SYT9: variants seen among roughly 807,000 people sequenced by gnomAD.
The protein encoded by SYT9 is synaptotagmin 9.
Under a neutral mutation model 48.4 loss-of-function variants are expected in SYT9, and 22 were observed. That is an observed-to-expected ratio of 0.45 (90% CI 0.32 to 0.65). The LOEUF (loss-of-function observed/expected upper bound fraction) is 0.65, where lower values mean the gene tolerates loss of function less well. SYT9 is among the 30% of genes least tolerant of loss of function. SYT9 has a pLI of 0.03. For synonymous variants in SYT9, 265 were observed against 245.0 expected (o/e 1.08, Z -0.76); for missense variants, 577 against 622.0 (o/e 0.93, Z 0.77).
intron 6 of SYT9, among the ~76,000 whole-genome samples, chr11:7,432,579 AAAAATATATATACATATATATATAT>A (rs1564902039): frequency 0.013 from 94 of 7,160 alleles, 4 homozygotes; most frequent in Admixed American, 0.042. Context: ...AAAAAAAAAA[AAAAATATATATACATATATATATAT>A]ATATATATAT....
intron 6 of SYT9, among the ~76,000 whole-genome samples, chr11:7,465,036 C>T (rs1005180506): frequency 7.9e-5 from 12 of 151,550 alleles, no homozygotes; most frequent in East Asian, 1.9e-4. Flanking sequence ...TGCAGTGAGT[C>T]GAGATTGCGC....
chr11:7,405,425 C>T (rs1458522567), intron 3 of SYT9, among the ~76,000 whole-genome samples: 1 of 152,132 alleles, frequency 6.6e-6, no homozygotes, highest in African/African-American at 2.4e-5. Context: ...TTACAAACAT[C>T]AAGAGCTACA....
chr11:7,313,725 T>G lies in SYT9; in HGVS notation c.828T>G (p.Val276=). 6.2e-7 allele frequency: 1 copy of G among 1,614,212 alleles called. No individual in the cohort carries two copies. Among genetic ancestry groups the G allele is most frequent in the Non-Finnish European group, 8.5e-7 (1 of 1,180,028 alleles). ...PDRKTKHQTK[V]HRKTLNPVFD... ...GGAAAACAAAACACCAGACTAAAGTTCACAGAAAGACCCTGAACCCTGTGT... is the reference window on the plus strand; with the variant it reads ...GGAAAACAAAACACCAGACTAAAGTGCACAGAAAGACCCTGAACCCTGTGT... Residue 276 remains valine, a synonymous_variant, in exon 3 of 7, where the codon GTT becomes GTG. Coordinates refer to ENST00000318881, the MANE Select transcript of SYT9 (RefSeq NM_175733.4).
upstream of SYT9, among the ~76,000 whole-genome samples, chr11:7,247,608 C>CATATATACGTGT (rs556185169): frequency 1.4e-5 from 2 of 143,072 alleles, no homozygotes; most frequent in South Asian, 2.2e-4. Flanking sequence ...CGTATATATA[C>CATATATACGTGT]ATATATACGT....
chr11:7,362,271 A>T (rs1004355578), intron 3 of SYT9, among the ~76,000 whole-genome samples: 1 of 151,446 alleles, frequency 6.6e-6, no homozygotes, highest in Non-Finnish European at 1.5e-5. Flanking sequence ...CAGCCTCCTG[A>T]GAAGCTGGGG....
Position 7,417,987 on chromosome 11 carries a change from A to T in SYT9, c.1196A>T (p.Asp399Val), listed in dbSNP as rs371612048. 2.5e-6 allele frequency: 4 copies of T among 1,613,994 alleles called. No individual in the cohort carries two copies. In the African/African-American group the frequency reaches 5.3e-5, roughly 22 times the overall value. Residue 399 changes from aspartate to valine, a missense_variant, in exon 5 of 7, where the codon GAT becomes GTT. Physicochemically the swap from Asp to Val is radical, Grantham distance 152. Transcript: ENST00000318881. ...DPYVKVSLMCDGRRLKKRKTS... is the reference protein window; with the variant it reads ...DPYVKVSLMCVGRRLKKRKTS... ...TATGTGAAAGTCTCGCTGATGTGTG[A>T]TGGCAGACGACTGAAGAAGAGGAAA...
At chr11:7,283,308 T>A (rs1444155627) in intron 1 of SYT9, among the ~76,000 whole-genome samples, 2 of 152,018 alleles carry the variant, frequency 1.3e-5, no homozygotes, top group Non-Finnish European at 2.9e-5. Context: ...TTTTTAAAAA[T>A]GCTGGTAAAT....
chr11:7,305,787 CAG>C (rs1849020022), intron 2 of SYT9, among the ~76,000 whole-genome samples: 1 of 152,174 alleles, frequency 6.6e-6, no homozygotes, highest in South Asian at 2.1e-4. Flanking sequence ...ATCACAGTCT[CAG>C]GGTTCCCAGT....
At chr11:7,386,435 TCGAA>T (rs1200312108) in intron 3 of SYT9, among the ~76,000 whole-genome samples, 4 of 110,578 alleles carry the variant, frequency 3.6e-5, no homozygotes, top group African/African-American at 1.3e-4. Context: ...TACAATGAAC[TCGAA>T]CAAATTTACA....
rs373415493 is a variant in SYT9 at position 7,464,945 on chromosome 11, G to A, written c.1468-1847G>A. The stretch of plus-strand genomic sequence containing the variant: ...AAAATACAAAAAAAAAAAATTAGCC[G>A]GGCGTGGTGGCGGGCGCCTGTAGTC... On this transcript the variant is annotated intron_variant, in intron 6 of 6. Transcript: ENST00000318881. 4.9e-4 allele frequency among the ~76,000 whole-genome samples: 75 copies of A among 152,018 alleles called. 1 individual carries two copies. The East Asian group carries it at 9.3e-3, about 19-fold the overall frequency.
At chr11:7,434,281 A>G (rs557650269) in intron 6 of SYT9, among the ~76,000 whole-genome samples, 94 of 152,278 alleles carry the variant, frequency 6.2e-4, no homozygotes, top group Non-Finnish European at 1.1e-3. Context: ...AGATAACAAA[A>G]TATAAAGGCT....
chr11:7,347,407 G>C (rs543839666), intron 3 of SYT9, among the ~76,000 whole-genome samples: 12 of 151,930 alleles, frequency 7.9e-5, no homozygotes, highest in Admixed American at 7.9e-4. Flanking sequence ...AATTTTTTTT[G>C]TATTTTTAGT....
At chr11:7,387,041 C>G (rs1036336342) in intron 3 of SYT9, among the ~76,000 whole-genome samples, 7 of 152,188 alleles carry the variant, frequency 4.6e-5, no homozygotes, top group African/African-American at 1.4e-4. Flanking sequence ...AGCAAACTAT[C>G]GCAAGGACAA....
chr11:7,385,624 C>T (rs893328603), intron 3 of SYT9, among the ~76,000 whole-genome samples: 1 of 151,990 alleles, frequency 6.6e-6, no homozygotes, highest in Non-Finnish European at 1.5e-5. Context: ...ATATAACAAA[C>T]CTGCACATGT....
Position 7,389,082 on chromosome 11 carries a change from T to C in SYT9, c.1045-26960T>C, listed in dbSNP as rs145579090. 1.6e-4 allele frequency among the ~76,000 whole-genome samples: 25 copies of C among 152,332 alleles called. No individual in the cohort carries two copies. The East Asian group carries it at 4.6e-3, about 28-fold the overall frequency. ...TTGAACCTGCACATTCTAAAGAAAG[T>C]ACCAGCTCTTTACTGGTTCCTGAGA... On this transcript the variant is annotated intron_variant, in intron 3 of 6. Coordinates refer to ENST00000318881, the MANE Select transcript of SYT9 (RefSeq NM_175733.4).
upstream of SYT9, among the ~76,000 whole-genome samples, chr11:7,247,532 CAT>C (rs534537276): frequency 1.6e-4 from 24 of 146,932 alleles, no homozygotes; most frequent in East Asian, 1.4e-3. Flanking sequence ...CACATATATA[CAT>C]ATATATACAC....
At chr11:7,295,485 C>A (rs1049930822) in intron 1 of SYT9, among the ~76,000 whole-genome samples, 45 of 152,158 alleles carry the variant, frequency 3.0e-4, no homozygotes, top group Admixed American at 2.9e-3. Context: ...TACCAACATT[C>A]TGGTCATGGG....
At chr11:7,356,744 T>C (rs554900510) in intron 3 of SYT9, among the ~76,000 whole-genome samples, 3 of 152,334 alleles carry the variant, frequency 2.0e-5, no homozygotes, top group East Asian at 3.9e-4. Flanking sequence ...TTACAGGTTC[T>C]ATTATTTGGA....
chr11:7,295,427 T>G (rs1409426544), intron 1 of SYT9, among the ~76,000 whole-genome samples: 1 of 152,240 alleles, frequency 6.6e-6, no homozygotes, highest in Non-Finnish European at 1.5e-5. Context: ...AATATGTTCT[T>G]CATTCCTCTC....
Sources: gnomAD v4.1 joint callset for allele counts (sites outside exome capture counted in the v4.1 genomes callset) on GRCh38, gnomAD v4.1.1 for gene constraint, MANE v1.5 for transcripts, NCBI Gene and HGNC (gene_info 2026-07-23, HGNC 2026-07-21) for gene names.